Variants in LAMA2 observed in about 807,000 individuals in gnomAD.
LAMA2 encodes laminin subunit alpha-2.
In LAMA2, 269 loss-of-function variants were observed where a neutral mutation model predicts 364.8. The observed-to-expected ratio is 0.74, with a 90% confidence interval of 0.67 to 0.82. The LOEUF (loss-of-function observed/expected upper bound fraction) is 0.82. Among genes scored for constraint, LAMA2 ranks in the 40% least tolerant of loss-of-function variants. LAMA2 has a pLI of 0.00. For missense variants in LAMA2, 3,807 were observed against 3,873.2 expected, an observed-to-expected ratio of 0.98 and a Z score of 0.45; for synonymous variants, 1,379 against 1,370.6, an observed-to-expected ratio of 1.01 and a Z score of -0.14.
At chr6:129,479,200 G>C (rs2784896) in intron 54 of LAMA2, among the ~76,000 whole-genome samples, 100,367 of 151,944 alleles carry the variant, frequency 0.66, 33,610 homozygotes, top group Middle Eastern at 0.72. Context: ...TGGAACCATT[G>C]AAGTTTACAC....
intron 12 of LAMA2, among the ~76,000 whole-genome samples, chr6:129,242,513 A>G (rs1785462433): frequency 6.6e-6 from 1 of 152,106 alleles, no homozygotes; most frequent in Non-Finnish European, 1.5e-5. Flanking sequence ...GAGACCTTGA[A>G]AAAATTTTGA....
intron 1 of LAMA2, among the ~76,000 whole-genome samples, chr6:128,909,245 C>G (rs1317764914): frequency 6.6e-6 from 1 of 152,068 alleles, no homozygotes; most frequent in Admixed American, 6.6e-5. Context: ...GTATTAAAGT[C>G]TCCCATTATT....
At chr6:129,461,147 A>G (rs374317984) in intron 49 of LAMA2, among the ~76,000 whole-genome samples, 1 of 152,150 alleles carries the variant, frequency 6.6e-6, no homozygotes, top group South Asian at 2.1e-4. Context: ...TATAAAACAT[A>G]CTTTAAATAC....
chr6:128,929,362 G>C (rs1779301073), intron 1 of LAMA2: 1 of 1,049,658 alleles, frequency 9.5e-7, no homozygotes. Context: ...GACCTCGAGA[G>C]AATACAAAGA....
intron 12 of LAMA2, among the ~76,000 whole-genome samples, chr6:129,220,000 A>G (rs1302689342): frequency 6.6e-6 from 1 of 151,848 alleles, no homozygotes; most frequent in African/African-American, 2.4e-5. Context: ...ATAAAATAAG[A>G]CCATTAAAAA....
At chr6:129,414,692 G>T (rs898433544) in intron 40 of LAMA2, among the ~76,000 whole-genome samples, 2 of 152,130 alleles carry the variant, frequency 1.3e-5, no homozygotes, top group African/African-American at 4.8e-5. Context: ...CTTTACACCA[G>T]CAAGAAGTTC....
chr6:129,474,451 G>A (rs1783969254), intron 52 of LAMA2, among the ~76,000 whole-genome samples: 1 of 152,122 alleles, frequency 6.6e-6, no homozygotes, highest in African/African-American at 2.4e-5. Flanking sequence ...AAAGTGTCAA[G>A]TCAGAAAAAC....
chr6:129,505,226 A>G lies in LAMA2; in HGVS notation c.8574A>G (p.Glu2858=). Residue 2858 remains glutamate (E), a synonymous_variant, in exon 61 of 65, where the codon GAA becomes GAG. Coordinates refer to ENST00000421865, the MANE Select transcript of LAMA2 (RefSeq NM_000426.4). ...HKIKIMRSKQ[E]GILYVDGASN... ...TTAAGATAATGAGAAGTAAGCAAGA[A>G]GGAATTCTTTATGTAGATGGGGCTT... 6.2e-7 allele frequency: 1 copy of G among 1,614,006 alleles called. No individual in the cohort carries two copies. Among genetic ancestry groups the G allele is most frequent in the Non-Finnish European group, 8.5e-7 (1 of 1,179,876 alleles).
intron 12 of LAMA2, among the ~76,000 whole-genome samples, chr6:129,199,972 G>A (rs576275438): frequency 1.3e-5 from 2 of 151,754 alleles, no homozygotes; most frequent in South Asian, 2.1e-4. Context: ...CCAGCTACTC[G>A]GGAGGCTGAT....
intron 43 of LAMA2, chr6:129,442,111 A>T: frequency 1.3e-6 from 1 of 799,906 alleles, no homozygotes; most frequent in Non-Finnish European, 1.9e-6. Context: ...TTGGGGGGGT[A>T]TCAAAATATT....
At chr6:129,239,252 G>A (rs1785230435) in intron 12 of LAMA2, among the ~76,000 whole-genome samples, 1 of 152,172 alleles carries the variant, frequency 6.6e-6, no homozygotes, top group South Asian at 2.1e-4. Context: ...CAGCTAAAAA[G>A]TGGCAGAGCT....
chr6:129,362,976 G>A (rs1583577379), intron 32 of LAMA2, among the ~76,000 whole-genome samples: 1 of 152,118 alleles, frequency 6.6e-6, no homozygotes, highest in South Asian at 2.1e-4. Context: ...TTATCACCTG[G>A]TCCAGTGGTT....
intron 29 of LAMA2, among the ~76,000 whole-genome samples, chr6:129,335,393 T>C (rs1464424957): frequency 6.6e-6 from 1 of 151,712 alleles, no homozygotes; most frequent in Non-Finnish European, 1.5e-5. Flanking sequence ...GATAGATAGA[T>C]AGATACAGAA....
chr6:128,981,345 C>A (rs899575888), intron 1 of LAMA2, among the ~76,000 whole-genome samples: 1 of 152,056 alleles, frequency 6.6e-6, no homozygotes, highest in Non-Finnish European at 1.5e-5. Flanking sequence ...ACGTGAAACT[C>A]CTGAGAGTTG....
chr6:129,113,192 A>G (rs1776259193), intron 4 of LAMA2, among the ~76,000 whole-genome samples: 1 of 152,054 alleles, frequency 6.6e-6, no homozygotes, highest in Non-Finnish European at 1.5e-5. Context: ...TCACTCTTTA[A>G]CATGAGGGGC....
At chr6:129,340,534 T>C (rs2114563558) in intron 29 of LAMA2, among the ~76,000 whole-genome samples, 1 of 152,202 alleles carries the variant, frequency 6.6e-6, no homozygotes, top group African/African-American at 2.4e-5. Flanking sequence ...TAGAGCTTTC[T>C]TATCTCTTAA....
At chr6:129,467,871 C>A (rs764170250) in intron 51 of LAMA2, among the ~76,000 whole-genome samples, 17 of 151,766 alleles carry the variant, frequency 1.1e-4, no homozygotes, top group Non-Finnish European at 1.5e-5. Flanking sequence ...AAAGTTCTTC[C>A]CCCAATAGGT....
At chr6:128,950,698 T>C (rs1009723899) in intron 1 of LAMA2, among the ~76,000 whole-genome samples, 13 of 152,136 alleles carry the variant, frequency 8.5e-5, no homozygotes, top group Admixed American at 7.2e-4. Context: ...TTGGGAATAA[T>C]AAGGTAATAA....
chr6:129,441,691 A>G (rs560450145), intron 43 of LAMA2, among the ~76,000 whole-genome samples: 4 of 152,176 alleles, frequency 2.6e-5, no homozygotes, highest in Non-Finnish European at 5.9e-5. Context: ...ATACAAGGCT[A>G]TATTGGGCCA....
Sources: gnomAD v4.1 joint callset for allele counts (sites outside exome capture counted in the v4.1 genomes callset) on GRCh38, gnomAD v4.1.1 for gene constraint, MANE v1.5 for transcripts, NCBI Gene and HGNC (gene_info 2026-07-23, HGNC 2026-07-21) for gene names.